SENP6: variants seen among roughly 807,000 people sequenced by gnomAD.
SENP6 encodes the protein SUMO specific peptidase 6.
SENP6 carries 41 observed loss-of-function variants against 134.5 expected under a neutral mutation model. The observed-to-expected ratio is 0.30, with a 90% CI of 0.24 to 0.40. The LOEUF is 0.40. Among genes scored for constraint, SENP6 ranks in the 10% least tolerant of loss-of-function variants. The pLI is 1.00. For synonymous variants in SENP6, 395 were observed against 429.8 expected (o/e 0.92, Z 1.00); for missense variants, 1,248 against 1,312.5 (o/e 0.95, Z 0.76).
chr6:75,633,355 A>G (rs1015459454), intron 3 of SENP6, among the ~76,000 whole-genome samples: 2 of 152,208 alleles, frequency 1.3e-5, no homozygotes, highest in African/African-American at 2.4e-5. Context: ...AAAGATTCAC[A>G]TGAAAAGAAA....
chr6:75,703,629 G>T (rs924299827), intron 19 of SENP6, among the ~76,000 whole-genome samples: 2 of 152,116 alleles, frequency 1.3e-5, no homozygotes, highest in African/African-American at 2.4e-5. Flanking sequence ...AGATATGGTG[G>T]TGCCCATCGG....
In SENP6 at chr6:75,677,174, A is replaced by G. The variant is rs1454461109; in HGVS notation, c.1766A>G (p.Asn589Ser). ...FFAKIPFEEANGRLVACTRTY... is the reference protein window; with the variant it reads ...FFAKIPFEEASGRLVACTRTY... ...GCGAAAATTCCCTTTGAAGAAGCTA[A>G]TGGCAGACTTGTTGCCTGTACAAGA... The change falls in exon 14 of 24, where the codon AAT becomes AGT. Residue 589 changes from asparagine (N) to serine (S), a missense_variant. Physicochemically the swap from Asn to Ser is conservative, Grantham distance 46 (BLOSUM62 1). Coordinates refer to ENST00000447266, the MANE Select transcript of SENP6 (RefSeq NM_015571.4). The G allele has an allele frequency of 6.2e-7, 1 of 1,612,790 alleles. No individual in the cohort carries two copies.
At chr6:75,633,831 T>C in intron 4 of SENP6, 105 bp downstream of exon 4, 1 of 951,236 alleles carries the variant, frequency 1.1e-6, no homozygotes, top group East Asian at 2.9e-5. Flanking sequence ...CTTCTGAATT[T>C]GTCTATAGGG....
At chr6:75,704,108 T>C (rs1775226446) in intron 19 of SENP6, among the ~76,000 whole-genome samples, 1 of 152,086 alleles carries the variant, frequency 6.6e-6, no homozygotes, top group South Asian at 2.1e-4. Context: ...TCCACACCTG[T>C]AGGTATGTCT....
intron 16 of SENP6, among the ~76,000 whole-genome samples, chr6:75,687,301 T>C (rs762991177): frequency 2.0e-5 from 3 of 152,216 alleles, no homozygotes; most frequent in Non-Finnish European, 2.9e-5. Context: ...ATTCATCTAA[T>C]CTTTTTTCAT....
rs146620024 is a variant in SENP6, at chr6:75,651,752, A to G, written c.550+3951A>G. ...CATATACTCATTTTTAAATTGATAC[A>G]TAATATTCATACTGTATGTACTGTT... On this transcript the variant is annotated intron_variant, in intron 7 of 23. Transcript: ENST00000447266. 3.9e-5 allele frequency among the ~76,000 whole-genome samples: 6 copies of G among 152,336 alleles called. No homozygotes were observed. The East Asian group carries it at 1.2e-3, about 29-fold the overall frequency.
chr6:75,666,305 T>C (rs1296732085), intron 9 of SENP6, among the ~76,000 whole-genome samples: 1 of 148,484 alleles, frequency 6.7e-6, no homozygotes, highest in Non-Finnish European at 1.5e-5. Flanking sequence ...ACATGGAGTT[T>C]CACACATATT....
chr6:75,637,398 A>G (rs1769606567), intron 5 of SENP6, among the ~76,000 whole-genome samples: 1 of 152,200 alleles, frequency 6.6e-6, no homozygotes, highest in African/African-American at 2.4e-5. Flanking sequence ...TAGATTAGGT[A>G]GTCTTTGGGT....
At chr6:75,708,205 G>A (rs1775531488) in intron 19 of SENP6, among the ~76,000 whole-genome samples, 2 of 152,060 alleles carry the variant, frequency 1.3e-5, no homozygotes, top group Admixed American at 6.6e-5. Context: ...GGGATTACAG[G>A]TGCATGCCAC....
At chr6:75,683,806 A>G (rs192137093) in intron 16 of SENP6, among the ~76,000 whole-genome samples, 44 of 152,260 alleles carry the variant, frequency 2.9e-4, no homozygotes, top group Non-Finnish European at 5.3e-4. Flanking sequence ...GTAGCTTTGT[A>G]GTATAGTTTG....
intron 5 of SENP6, among the ~76,000 whole-genome samples, chr6:75,638,614 ATATATATATTTTTTTTTTTT>A (rs1181946772): frequency 9.2e-4 from 33 of 35,868 alleles, no homozygotes; most frequent in African/African-American, 2.9e-3. Flanking sequence ...ATATATATAT[ATATATATATTTTTTTTTTTT>A]TTTTTTTTTT....
At chr6:75,625,084 T>C (rs922980005) in intron 3 of SENP6, among the ~76,000 whole-genome samples, 1 of 151,176 alleles carries the variant, frequency 6.6e-6, no homozygotes, top group African/African-American at 2.4e-5. Context: ...TGATACTAGT[T>C]GCTAATATAT....
intron 6 of SENP6, among the ~76,000 whole-genome samples, chr6:75,645,647 T>G (rs375223441): frequency 6.6e-6 from 1 of 152,140 alleles, no homozygotes; most frequent in Non-Finnish European, 1.5e-5. Flanking sequence ...AATGTAAATT[T>G]TCATTTTAGA....
intron 1 of SENP6, among the ~76,000 whole-genome samples, chr6:75,609,798 A>G (rs1034506099): frequency 6.6e-6 from 1 of 152,188 alleles, no homozygotes; most frequent in Admixed American, 6.5e-5. Flanking sequence ...GAGATGGAGT[A>G]GATGGAGTCT....
chr6:75,603,096 A>G (rs151330135), intron 1 of SENP6, among the ~76,000 whole-genome samples: 4 of 152,288 alleles, frequency 2.6e-5, no homozygotes, highest in Middle Eastern at 3.4e-3. Context: ...CTTGTCTGAT[A>G]TTCTTTCGGA....
chr6:75,613,411 C>T (rs181555530), intron 1 of SENP6, among the ~76,000 whole-genome samples: 171 of 152,038 alleles, frequency 1.1e-3, no homozygotes, highest in African/African-American at 3.9e-3. Context: ...AGATATTTAC[C>T]GTCTGGCCTT....
At chr6:75,638,586 GTGTGTATATATATA>G (rs1348973800) in intron 5 of SENP6, among the ~76,000 whole-genome samples, 16 of 29,432 alleles carry the variant, frequency 5.4e-4, no homozygotes, top group African/African-American at 1.4e-3. Context: ...GTGTGTGTGT[GTGTGTATATATATA>G]TATATATATA....
At chr6:75,654,879 T>C (rs1771189802) in intron 7 of SENP6, 1 of 152,232 alleles carries the variant, frequency 6.6e-6, no homozygotes, top group South Asian at 2.1e-4. Flanking sequence ...GGTAGATAGA[T>C]ATAATTAACA....
intron 16 of SENP6, among the ~76,000 whole-genome samples, chr6:75,693,197 C>T (rs1461418940): frequency 2.0e-5 from 3 of 151,742 alleles, no homozygotes; most frequent in East Asian, 1.9e-4. Context: ...GAATGGAGTT[C>T]GAGACCAACC....
Sources: allele counts gnomAD v4.1 joint callset (sites outside exome capture counted in the v4.1 genomes callset), GRCh38; gene constraint gnomAD v4.1.1; transcripts MANE v1.5; gene names NCBI Gene and HGNC (gene_info 2026-07-23, HGNC 2026-07-21).